The following CFAP77 variants were observed in gnomAD, a reference collection of about 807,000 sequenced individuals.
The protein encoded by CFAP77 is cilia- and flagella-associated protein 77.
Under a neutral mutation model 31.1 loss-of-function variants are expected in CFAP77, and 25 were observed. The ratio of observed to expected loss-of-function variants is 0.80; its 90% CI spans 0.59 to 1.12. The LOEUF (loss-of-function observed/expected upper bound fraction) is 1.12. CFAP77 is among the 50% of genes most tolerant of loss of function. The pLI, the probability that CFAP77 is intolerant of heterozygous loss-of-function variation, is 0.00. For missense variants in CFAP77, 377 were observed against 397.3 expected (o/e 0.95, Z 0.44); for synonymous variants, 151 against 159.9 (o/e 0.94, Z 0.42).
Position 132,572,452 on chromosome 9 carries a change from G to C in CFAP77, c.797G>C (p.Arg266Pro). ...CGCCAGAGAGCATTAAAAGCCCACCGGGAAGAGTGTGCCGTGCGCCAGGGG... is the reference window on the plus strand; with the variant it reads ...CGCCAGAGAGCATTAAAAGCCCACCCGGAAGAGTGTGCCGTGCGCCAGGGG... ...ADRQRALKAH[R>P]EECAVRQGTL... Residue 266 changes from arginine (R) to proline (P), a missense_variant, in exon 6 of 6, where the codon CGG becomes CCG. Coordinates refer to ENST00000393216, the MANE Select transcript of CFAP77 (RefSeq NM_001282957.2). The C allele has an allele frequency of 6.2e-7, 1 of 1,612,222 alleles. No individual in the cohort carries two copies. The highest frequency in any genetic ancestry group is 8.5e-7 in the Non-Finnish European group (1 of 1,179,984).
Position 132,501,372 on chromosome 9 carries a change from T to C in CFAP77, c.524+1772T>C, listed in dbSNP as rs544333828. On this transcript the variant is annotated intron_variant, in intron 3 of 5. Coordinates refer to ENST00000393216, the MANE Select transcript of CFAP77 (RefSeq NM_001282957.2). This position sits in a 1 kb window ranked among gnomAD's most constrained non-coding sequence, Gnocchi z 4.6. Reference sequence around the variant, plus strand: ...ACAGACACCTTGAGTTCAAGACTCTTTGGGCCAGCTCAGGTTACATGACTA... The same window carrying C: ...ACAGACACCTTGAGTTCAAGACTCTCTGGGCCAGCTCAGGTTACATGACTA... Among the ~76,000 whole-genome samples the C allele has an allele frequency of 6.6e-6, 1 of 151,528 alleles. No homozygotes were observed. The highest frequency in any genetic ancestry group is 2.4e-5 in the African/African-American group (1 of 41,074).
At chr9:132,485,853 G>T (rs753527442) in intron 1 of CFAP77, among the ~76,000 whole-genome samples, 54 of 150,908 alleles carry the variant, frequency 3.6e-4, no homozygotes, top group Non-Finnish European at 7.1e-4. Flanking sequence ...GACCGAAGAG[G>T]GGGTATTATT....
At chr9:132,560,440 A>C (rs1852976244) in intron 5 of CFAP77, among the ~76,000 whole-genome samples, 1 of 152,202 alleles carries the variant, frequency 6.6e-6, no homozygotes, top group South Asian at 2.1e-4. Flanking sequence ...GGTGTTACCC[A>C]ATTATTTTGC....
chr9:132,480,166 G>A lies in CFAP77; in HGVS notation c.196-18529G>A, dbSNP rs368749201. On this transcript the variant is annotated intron_variant, in intron 1 of 5. Coordinates refer to ENST00000393216, the MANE Select transcript of CFAP77 (RefSeq NM_001282957.2). This position sits in a 1 kb window ranked among gnomAD's most constrained non-coding sequence, Gnocchi z 5.8. Reference sequence around the variant, plus strand: ...GCCTCCTCGGCTGCTCTCCTGGACCGCCCTCCCCAGGAGCCACCAGACTCC... The same window carrying A: ...GCCTCCTCGGCTGCTCTCCTGGACCACCCTCCCCAGGAGCCACCAGACTCC... Among the ~76,000 whole-genome samples, 3 of 152,068 alleles carry A rather than the reference G, an allele frequency of 2.0e-5. No homozygotes were observed. The highest frequency in any genetic ancestry group is 4.8e-5 in the African/African-American group (2 of 41,400).
intron 5 of CFAP77, among the ~76,000 whole-genome samples, chr9:132,543,684 G>T (rs758678241): frequency 7.9e-5 from 12 of 152,186 alleles, no homozygotes; most frequent in Non-Finnish European, 1.8e-4. Context: ...TGAGGAGAGA[G>T]GAGCAAAGGT....
In CFAP77 at chr9:132,511,538, TTGAC is replaced by T. The variant is rs1852039495; in HGVS notation, c.524+11945_524+11948del. ...GTTGTAGGTGCTCAGTAAACGCTTG[TTGAC>T]TGACTGCGTGAGAGGGAACAGATTG... is the stretch of plus-strand genomic sequence containing the variant. On this transcript the variant is annotated intron_variant, in intron 3 of 5. Coordinates refer to ENST00000393216, the MANE Select transcript of CFAP77 (RefSeq NM_001282957.2). The surrounding 1 kb of genome is among the most constrained non-coding windows in gnomAD (Gnocchi z 5.8). Among the ~76,000 whole-genome samples the T allele has an allele frequency of 6.6e-6, 1 of 152,222 alleles. No individual in the cohort carries two copies. Among genetic ancestry groups the T allele is most frequent in the Admixed American group, 6.5e-5 (1 of 15,274 alleles).
chr9:132,482,079 G>A (rs983891695), intron 1 of CFAP77, among the ~76,000 whole-genome samples: 1 of 151,808 alleles, frequency 6.6e-6, no homozygotes, highest in Non-Finnish European at 1.5e-5. Flanking sequence ...AATGATCCCT[G>A]CAGCTGTCAA....
At chr9:132,422,405 G>A (rs1292519605) in intron 1 of CFAP77, among the ~76,000 whole-genome samples, 1 of 152,204 alleles carries the variant, frequency 6.6e-6, no homozygotes, top group African/African-American at 2.4e-5. Context: ...GGCACTCAGA[G>A]GCTAGGGAAG....
chr9:132,426,062 C>T (rs1850307471), intron 1 of CFAP77, among the ~76,000 whole-genome samples: 1 of 152,176 alleles, frequency 6.6e-6, no homozygotes, highest in South Asian at 2.1e-4. Context: ...GCCGAGACCC[C>T]CGCCCGCCTC....
intron 1 of CFAP77, among the ~76,000 whole-genome samples, chr9:132,483,722 C>T (rs774919529): frequency 6.6e-6 from 1 of 152,128 alleles, no homozygotes; most frequent in African/African-American, 2.4e-5. Context: ...AGCCCAGGGC[C>T]CACTCCCCAC....
intron 1 of CFAP77, among the ~76,000 whole-genome samples, chr9:132,462,056 G>A (rs1236236307): frequency 2.0e-5 from 3 of 152,146 alleles, no homozygotes; most frequent in African/African-American, 7.2e-5. Flanking sequence ...TTTTATGGGC[G>A]AGAAGAAAGA....
rs1366077550 is a variant in CFAP77, at chr9:132,526,761, G to A, written c.525-10840G>A. Among the ~76,000 whole-genome samples the A allele has an allele frequency of 5.1e-5, 5 of 98,400 alleles. 1 individual carries two copies. The highest frequency in any genetic ancestry group is 1.9e-4 in the African/African-American group (5 of 26,084). 64.6% of individuals were successfully genotyped at this position (98,400 alleles called of 152,430 possible). A position where few individuals can be genotyped will look rare whatever the true frequency, so the allele number is the denominator to read the frequency against. On this transcript the variant is annotated intron_variant, in intron 3 of 5. Coordinates refer to ENST00000393216, the MANE Select transcript of CFAP77 (RefSeq NM_001282957.2). ...ATAAACTAGAAAATCTAGAAGAAAT[G>A]GATACATTCCTCGACACATACACTC...
In CFAP77 at chr9:132,545,392, T is replaced by C. The variant is rs950220948; in HGVS notation, c.732+2345T>C. ...GGGACAGGAACCCAGGTGTGTCTGA[T>C]GGCAGGGCCCAAGCCGAGACACATG... On this transcript the variant is annotated intron_variant, in intron 5 of 5. Transcript: ENST00000393216. The surrounding 1 kb of genome is among the most constrained non-coding windows in gnomAD (Gnocchi z 4.6). 7.2e-5 allele frequency among the ~76,000 whole-genome samples: 11 copies of C among 151,886 alleles called. No homozygotes were observed. Among genetic ancestry groups the C allele is most frequent in the Non-Finnish European group, 1.5e-4 (10 of 67,932 alleles).
chr9:132,419,020 C>T (rs1417115591), intron 1 of CFAP77, among the ~76,000 whole-genome samples: 1 of 152,104 alleles, frequency 6.6e-6, no homozygotes, highest in African/African-American at 2.4e-5. Context: ...TTTTTCCACC[C>T]AGTCACTCAA....
At chr9:132,563,825 CT>C (rs1829854540) in intron 5 of CFAP77, among the ~76,000 whole-genome samples, 1 of 152,194 alleles carries the variant, frequency 6.6e-6, no homozygotes, top group South Asian at 2.1e-4. Flanking sequence ...TATTCTCTTG[CT>C]TAATGTGCTA....
intron 1 of CFAP77, among the ~76,000 whole-genome samples, chr9:132,471,382 G>A (rs1378323212): frequency 6.6e-6 from 1 of 152,248 alleles, no homozygotes. Flanking sequence ...CACCCTGCCT[G>A]CCCACAACTC....
At chr9:132,472,826 G>A (rs1851282234) in intron 1 of CFAP77, among the ~76,000 whole-genome samples, 1 of 152,172 alleles carries the variant, frequency 6.6e-6, no homozygotes, top group Non-Finnish European at 1.5e-5. Context: ...TTTGCTGTGT[G>A]CCCGGCTCTG....
intron 5 of CFAP77, among the ~76,000 whole-genome samples, chr9:132,553,494 G>A (rs2119086226): frequency 6.6e-6 from 1 of 152,310 alleles, no homozygotes; most frequent in South Asian, 2.1e-4. Context: ...GACACATTCA[G>A]TCCATAGCAA....
intron 1 of CFAP77, 137 bp downstream of exon 1, chr9:132,410,603 G>T (rs918762342): frequency 5.4e-5 from 38 of 707,464 alleles, no homozygotes; most frequent in Non-Finnish European, 7.7e-5. Flanking sequence ...CTCTGGTCCA[G>T]ACAGGCCTGG....
Sources: allele counts gnomAD v4.1 joint callset (sites outside exome capture counted in the v4.1 genomes callset), GRCh38; gene constraint gnomAD v4.1.1; non-coding constraint Gnocchi (gnomAD v3.1); transcripts MANE v1.5; gene names NCBI Gene and HGNC (gene_info 2026-07-23, HGNC 2026-07-21).